Variants in PCDH9 observed in about 807,000 individuals in gnomAD.
The protein encoded by PCDH9 is protocadherin-9.
In PCDH9, 24 loss-of-function variants were observed where a neutral mutation model predicts 70.6. The observed-to-expected ratio is 0.34, with a 90% CI of 0.25 to 0.48. The LOEUF (loss-of-function observed/expected upper bound fraction) is 0.48. Among genes scored for constraint, PCDH9 ranks in the 20% least tolerant of loss-of-function variants. The pLI, the probability that PCDH9 is intolerant of heterozygous loss-of-function variation, is 0.99. For synonymous variants in PCDH9, 562 were observed against 558.5 expected (o/e 1.01, Z -0.09); for missense variants, 1,281 against 1,503.6 (o/e 0.85, Z 2.45).
intron 4 of PCDH9, among the ~76,000 whole-genome samples, chr13:66,448,232 T>A (rs1324125616): frequency 1.3e-5 from 2 of 152,194 alleles, no homozygotes. Flanking sequence ...TCTGATGACC[T>A]AATATTGGAA....
intron 2 of PCDH9, among the ~76,000 whole-genome samples, chr13:66,968,876 T>A (rs1347227394): frequency 6.6e-6 from 1 of 151,950 alleles, no homozygotes; most frequent in Non-Finnish European, 1.5e-5. Context: ...AAAAAGAAAT[T>A]AAAAATATGA....
In PCDH9 at chr13:67,041,063, TA is replaced by T. The variant is rs999937063; in HGVS notation, c.3037-137459del. The stretch of plus-strand genomic sequence containing the variant: ...GCAAGAACAGAAGAGTCAAGAACAT[TA>T]AAAAAAAAAGATTAGATATACCCTT... On this transcript the variant is annotated intron_variant, in intron 2 of 4. Coordinates refer to ENST00000377865, the MANE Select transcript of PCDH9 (RefSeq NM_203487.3). 1.2e-3 allele frequency among the ~76,000 whole-genome samples: 175 copies of T among 147,690 alleles called. 1 individual carries two copies. Among genetic ancestry groups the T allele is most frequent in the African/African-American group, 3.6e-3 (145 of 40,460 alleles).
rs185923867 is a variant in PCDH9 at position 66,512,779 on chromosome 13, T to C, written c.3340+118431A>G. On this transcript the variant is annotated intron_variant, in intron 4 of 4. Coordinates refer to ENST00000377865, the MANE Select transcript of PCDH9 (RefSeq NM_203487.3). ...AACTCTAGCAAAAAGACACATGGAC[T>C]CATTCTTTCATTCTTTTCTCTTTTC... Among the ~76,000 whole-genome samples, 9 of 151,622 alleles carry C rather than the reference T, an allele frequency of 5.9e-5. No homozygotes were observed. The East Asian group carries it at 1.5e-3, about 26-fold the overall frequency.
intron 3 of PCDH9, among the ~76,000 whole-genome samples, chr13:66,695,422 G>C (rs2078548808): frequency 6.6e-6 from 1 of 152,052 alleles, no homozygotes; most frequent in African/African-American, 2.4e-5. Context: ...CAGTAATTAT[G>C]ACCTACATGA....
chr13:67,094,128 G>C (rs2086274084), intron 2 of PCDH9, among the ~76,000 whole-genome samples: 1 of 152,112 alleles, frequency 6.6e-6, no homozygotes, highest in Non-Finnish European at 1.5e-5. Context: ...CCCCAAACAA[G>C]GAGTCAGAGC....
At chr13:66,587,756 G>A (rs1201447592) in intron 4 of PCDH9, among the ~76,000 whole-genome samples, 2 of 151,058 alleles carry the variant, frequency 1.3e-5, no homozygotes, top group African/African-American at 4.9e-5. Context: ...GGAATGAATG[G>A]TTCAGCAATA....
intron 4 of PCDH9, among the ~76,000 whole-genome samples, chr13:66,508,154 T>C (rs1959276298): frequency 6.6e-6 from 1 of 152,220 alleles, no homozygotes; most frequent in Non-Finnish European, 1.5e-5. Context: ...TGGTATGCCC[T>C]AAATAACTGT....
chr13:66,800,876 C>T (rs2080315755), intron 3 of PCDH9, among the ~76,000 whole-genome samples: 1 of 152,002 alleles, frequency 6.6e-6, no homozygotes, highest in South Asian at 2.1e-4. Flanking sequence ...TTGTGAAGAT[C>T]AAACAAGCTG....
At chr13:67,040,875 T>A (rs2085100905) in intron 2 of PCDH9, among the ~76,000 whole-genome samples, 1 of 152,316 alleles carries the variant, frequency 6.6e-6, no homozygotes, top group African/African-American at 2.4e-5. Context: ...AATATTTATT[T>A]TCATTTTGAA....
At chr13:66,729,274 C>T (rs2079042341) in intron 3 of PCDH9, among the ~76,000 whole-genome samples, 1 of 152,058 alleles carries the variant, frequency 6.6e-6, no homozygotes, top group Non-Finnish European at 1.5e-5. Context: ...TTTAATCCTC[C>T]ATTTCTTTGA....
chr13:66,789,669 CTG>C (rs1297417195), intron 3 of PCDH9, among the ~76,000 whole-genome samples: 1 of 152,110 alleles, frequency 6.6e-6, no homozygotes, highest in Non-Finnish European at 1.5e-5. Flanking sequence ...CCTCTCAGCA[CTG>C]TGTATCCCCG....
chr13:66,734,916 G>T (rs540603750), intron 3 of PCDH9, among the ~76,000 whole-genome samples: 12 of 152,256 alleles, frequency 7.9e-5, no homozygotes, highest in Non-Finnish European at 1.8e-4. Context: ...GAACGCAGTT[G>T]GTCCTTGTTA....
chr13:66,463,578 G>T (rs775328759), intron 4 of PCDH9, among the ~76,000 whole-genome samples: 4 of 151,722 alleles, frequency 2.6e-5, no homozygotes, highest in Non-Finnish European at 5.9e-5. Flanking sequence ...TCTGGATTGT[G>T]GCCTGAGATA....
intron 4 of PCDH9, among the ~76,000 whole-genome samples, chr13:66,527,395 C>G (rs182084830): frequency 6.6e-6 from 1 of 152,236 alleles, no homozygotes; most frequent in African/African-American, 2.4e-5. Context: ...ATCTTCCCTA[C>G]TACTCTGACC....
intron 2 of PCDH9, among the ~76,000 whole-genome samples, chr13:67,138,852 A>G (rs540128958): frequency 5.3e-5 from 8 of 152,336 alleles, no homozygotes; most frequent in African/African-American, 1.7e-4. Context: ...GCCTATACAT[A>G]TGAGAGTAAG....
intron 2 of PCDH9, among the ~76,000 whole-genome samples, chr13:67,083,013 A>C (rs1404932375): frequency 6.6e-6 from 1 of 152,180 alleles, no homozygotes; most frequent in Non-Finnish European, 1.5e-5. Flanking sequence ...TAAGTATTCA[A>C]ATTAGATTAT....
chr13:66,891,806 C>T (rs1463846830), intron 3 of PCDH9, among the ~76,000 whole-genome samples: 3 of 151,118 alleles, frequency 2.0e-5, no homozygotes, highest in Admixed American at 2.0e-4. Flanking sequence ...ATAAACTCTA[C>T]ATGTATTCCA....
chr13:66,312,058 C>T (rs754003199), intron 4 of PCDH9, among the ~76,000 whole-genome samples: 1 of 152,200 alleles, frequency 6.6e-6, no homozygotes, highest in South Asian at 2.1e-4. Context: ...TCTCAAGACA[C>T]AAGATCATTA....
At chr13:66,517,864 A>T (rs1959811342) in intron 4 of PCDH9, among the ~76,000 whole-genome samples, 2 of 152,150 alleles carry the variant, frequency 1.3e-5, no homozygotes, top group African/African-American at 4.8e-5. Flanking sequence ...TTATAGAAAA[A>T]TAATGAATGC....
Sources: allele counts gnomAD v4.1 joint callset (sites outside exome capture counted in the v4.1 genomes callset), GRCh38; gene constraint gnomAD v4.1.1; transcripts MANE v1.5; gene names NCBI Gene and HGNC (gene_info 2026-07-23, HGNC 2026-07-21).